The following AGBL1 variants were observed in gnomAD, a reference collection of about 807,000 sequenced individuals.
The protein encoded by AGBL1 is AGBL carboxypeptidase 1, also known as cytosolic carboxypeptidase 4.
In AGBL1, 130 loss-of-function variants were observed where a neutral mutation model predicts 118.9. The observed-to-expected ratio is 1.09, with a 90% CI of 0.95 to 1.26. AGBL1 has a LOEUF of 1.26. Among genes scored for constraint, AGBL1 ranks in the 50% most tolerant of loss-of-function variants. The probability of loss-of-function intolerance (pLI) is 0.00; values close to 1 mark genes in which losing one functional copy is unlikely to be tolerated. For missense variants in AGBL1, 1,584 were observed against 1,298.1 expected (o/e 1.22, Z -3.38); for synonymous variants, 555 against 478.9 (o/e 1.16, Z -2.08).
chr15:86,173,878 A>G (rs2077447520), intron 5 of AGBL1, among the ~76,000 whole-genome samples: 1 of 152,076 alleles, frequency 6.6e-6, no homozygotes, highest in Non-Finnish European at 1.5e-5. Context: ...AGGTAGTGTA[A>G]TGCCTCCAGC....
At chr15:86,705,114 C>G (rs1260507734) in intron 22 of AGBL1, among the ~76,000 whole-genome samples, 1 of 152,078 alleles carries the variant, frequency 6.6e-6, no homozygotes, top group African/African-American at 2.4e-5. Flanking sequence ...AGGGAAACGT[C>G]ACACACTGGG....
intron 17 of AGBL1, among the ~76,000 whole-genome samples, chr15:86,351,849 T>C (rs2080631967): frequency 6.6e-6 from 1 of 152,224 alleles, no homozygotes; most frequent in Non-Finnish European, 1.5e-5. Flanking sequence ...ATTAGAAATA[T>C]TTTCACATAT....
intron 21 of AGBL1, among the ~76,000 whole-genome samples, chr15:86,564,153 G>A (rs979709457): frequency 1.3e-5 from 2 of 152,154 alleles, no homozygotes; most frequent in Non-Finnish European, 2.9e-5. Context: ...ATTGTTAGGT[G>A]TGAATTTGAT....
intron 18 of AGBL1, among the ~76,000 whole-genome samples, chr15:86,511,269 C>T (rs1261000116): frequency 6.6e-6 from 1 of 151,994 alleles, no homozygotes; most frequent in African/African-American, 2.4e-5. Context: ...CCTCACATCC[C>T]ATCCATTTTT....
intron 23 of AGBL1, among the ~76,000 whole-genome samples, chr15:86,945,887 A>G (rs1266824314): frequency 6.6e-6 from 1 of 152,216 alleles, no homozygotes; most frequent in Non-Finnish European, 1.5e-5. Flanking sequence ...AGGACAGCTC[A>G]GAGTCAAAGA....
At chr15:86,740,646 G>T (rs16977946) in intron 22 of AGBL1, among the ~76,000 whole-genome samples, 1,790 of 152,290 alleles carry the variant, frequency 0.012, 42 homozygotes, top group African/African-American at 0.04. Flanking sequence ...AGTAGACAGT[G>T]TGATTACATC....
chr15:86,785,040 C>G (rs1307468574), intron 22 of AGBL1, among the ~76,000 whole-genome samples: 2 of 152,104 alleles, frequency 1.3e-5, no homozygotes, highest in Non-Finnish European at 2.9e-5. Context: ...GCTGTACTTT[C>G]TCGGGCAAAT....
At position 87,010,032 on chromosome 15, in the gene AGBL1, C is replaced by T. The variant is rs1448663659; in HGVS notation, c.3324-18793C>T. Among the ~76,000 whole-genome samples the T allele has an allele frequency of 4.6e-5, 7 of 152,054 alleles. No homozygotes were observed. The East Asian group carries it at 1.4e-3, about 29-fold the overall frequency. On this transcript the variant is annotated intron_variant, in intron 24 of 24. Coordinates refer to the AGBL1 transcript ENST00000441037. ...TGAAATGAGTTAAGATTTTGGGGGA[C>T]TGTTGGGAAGGCATGATTAGTTTTG...
intron 24 of AGBL1, among the ~76,000 whole-genome samples, chr15:87,011,056 C>G (rs190493097): frequency 7.2e-5 from 11 of 152,354 alleles, no homozygotes; most frequent in Non-Finnish European, 1.3e-4. Context: ...GTGAACTTCT[C>G]TCATATATGA....
intron 22 of AGBL1, among the ~76,000 whole-genome samples, chr15:86,869,518 G>T (rs2079688322): frequency 1.3e-5 from 2 of 152,106 alleles, no homozygotes; most frequent in Admixed American, 1.3e-4. Context: ...CCTTAGAGAA[G>T]AACTTGGGGC....
At chr15:86,749,993 A>T (rs190798363) in intron 22 of AGBL1, among the ~76,000 whole-genome samples, 1 of 152,068 alleles carries the variant, frequency 6.6e-6, no homozygotes, top group Non-Finnish European at 1.5e-5. Flanking sequence ...TGTCTCTGCC[A>T]GGCTTTGGTA....
intron 11 of AGBL1, among the ~76,000 whole-genome samples, chr15:86,266,064 A>G (rs1437616802): frequency 1.3e-5 from 2 of 152,224 alleles, no homozygotes; most frequent in African/African-American, 2.4e-5. Context: ...CACAGCTAGA[A>G]AAGTTCCAAA....
chr15:86,567,966 T>G lies in AGBL1; in HGVS notation c.2994+13429T>G, dbSNP rs1042905172. On this transcript the variant is annotated intron_variant, in intron 21 of 22. Transcript: ENST00000614907. ...AAGGTGAGATGGTTTTGAGACAAGTTTTTGTTTTTCTTCTCTTGCTTCTGA... is the reference window on the plus strand; with the variant it reads ...AAGGTGAGATGGTTTTGAGACAAGTGTTTGTTTTTCTTCTCTTGCTTCTGA... Among the ~76,000 whole-genome samples the G allele has an allele frequency of 2.6e-5, 4 of 152,116 alleles. 1 individual carries two copies. The highest frequency in any genetic ancestry group is 2.6e-4 in the Admixed American group (4 of 15,276).
chr15:86,787,795 T>G (rs2078435753), intron 22 of AGBL1, among the ~76,000 whole-genome samples: 1 of 152,216 alleles, frequency 6.6e-6, no homozygotes, highest in Admixed American at 6.5e-5. Flanking sequence ...TTTTTCTCAA[T>G]TACTACCGAG....
intron 17 of AGBL1, among the ~76,000 whole-genome samples, chr15:86,351,044 A>C (rs2080617690): frequency 6.6e-6 from 1 of 152,156 alleles, no homozygotes; most frequent in African/African-American, 2.4e-5. Flanking sequence ...TGACCTAAGC[A>C]CTTTGTGCAT....
intron 22 of AGBL1, among the ~76,000 whole-genome samples, chr15:86,737,585 T>C (rs1414340540): frequency 6.6e-6 from 1 of 152,146 alleles, no homozygotes; most frequent in South Asian, 2.1e-4. Context: ...TTGTGTAGTA[T>C]GAGCTGAGCC....
intron 22 of AGBL1, among the ~76,000 whole-genome samples, chr15:86,780,126 T>C (rs1254280058): frequency 6.6e-6 from 1 of 152,202 alleles, no homozygotes; most frequent in African/African-American, 2.4e-5. Flanking sequence ...CACATTTAGG[T>C]CTATGATCCA....
intron 5 of AGBL1, among the ~76,000 whole-genome samples, chr15:86,200,962 T>G (rs938210034): frequency 1.3e-5 from 2 of 152,094 alleles, no homozygotes; most frequent in South Asian, 2.1e-4. Context: ...GTCTTCTTAT[T>G]CAAACTCCTA....
At chr15:86,284,242 C>A (rs2079404979) in intron 16 of AGBL1, among the ~76,000 whole-genome samples, 2 of 150,134 alleles carry the variant, frequency 1.3e-5, no homozygotes, top group African/African-American at 4.9e-5. Context: ...ACAAAGGCTA[C>A]TGATGGTTTT....
Sources: allele counts gnomAD v4.1 joint callset (sites outside exome capture counted in the v4.1 genomes callset), GRCh38; gene constraint gnomAD v4.1.1; transcripts MANE v1.5; gene names NCBI Gene and HGNC (gene_info 2026-07-23, HGNC 2026-07-21).